Variants in OSBPL10 observed in about 807,000 individuals in gnomAD.
OSBPL10 encodes the protein oxysterol-binding protein-related protein 10.
In OSBPL10, 49 loss-of-function variants were observed where a neutral mutation model predicts 81.7. The ratio of observed to expected loss-of-function variants is 0.60; its 90% CI spans 0.48 to 0.76. The LOEUF (loss-of-function observed/expected upper bound fraction) is 0.76. Among genes scored for constraint, OSBPL10 ranks in the 30% least tolerant of loss-of-function variants. The pLI, the probability that OSBPL10 is intolerant of heterozygous loss-of-function variation, is 0.00. For synonymous variants in OSBPL10, 419 were observed against 383.6 expected, an observed-to-expected ratio of 1.09 and a Z score of -1.08; for missense variants, 923 against 987.8, an observed-to-expected ratio of 0.93 and a Z score of 0.88.
In OSBPL10 at chr3:31,981,145, C is replaced by G; in HGVS notation, c.35G>C (p.Gly12Ala). 1 of 1,490,566 alleles carries G rather than the reference C, an allele frequency of 6.7e-7. No individual in the cohort carries two copies. 92.3% of individuals were successfully genotyped at this position (1,490,566 alleles called of 1,614,324 possible). A position where few individuals can be genotyped will look rare whatever the true frequency, so the allele number is the denominator to read the frequency against. Residue 12 changes from glycine (G) to alanine (A), a missense_variant, in exon 1 of 12, where the codon GGG (glycine) becomes GCG (alanine). Around this residue, in one of 3 missense-constraint regions of OSBPL10, gnomAD observed 514 missense variants for 508.0 expected, o/e 1.01. Coordinates refer to ENST00000396556, the MANE Select transcript of OSBPL10 (RefSeq NM_017784.5). This position sits in a 1 kb window ranked among gnomAD's most constrained non-coding sequence, Gnocchi z 4.5. ...GCTGCGGCTGCTGCTGTTGCTACCC[C>G]CGCCGCCGTCTGTGCCCTGGACTGC... The part of the protein sequence containing the change: ...ERAVQGTDGG[G>A]GSNSSSRSSS...
chr3:31,983,596 G>A (rs1422730669), upstream of OSBPL10, among the ~76,000 whole-genome samples: 1 of 152,198 alleles, frequency 6.6e-6, no homozygotes, highest in African/African-American at 2.4e-5. Context: ...TGAAAGTAGA[G>A]GCTATATCAT....
chr3:31,688,279 T>TCACACA (rs879415490), intron 7 of OSBPL10, among the ~76,000 whole-genome samples: 131 of 77,868 alleles, frequency 1.7e-3, no homozygotes, highest in Middle Eastern at 7.6e-3. Context: ...TCTCTCTCTC[T>TCACACA]CTCTCACACA....
chr3:31,792,723 C>T (rs1039350073), intron 4 of OSBPL10, among the ~76,000 whole-genome samples: 37 of 145,174 alleles, frequency 2.5e-4, no homozygotes, highest in African/African-American at 9.7e-4. Flanking sequence ...TTTACACTCT[C>T]AGCTATCCAG....
chr3:31,832,375 A>T (rs755562033), intron 3 of OSBPL10, among the ~76,000 whole-genome samples: 7 of 152,170 alleles, frequency 4.6e-5, no homozygotes, highest in Non-Finnish European at 1.0e-4. Context: ...TCCCTATTGA[A>T]AACATTTTAA....
intron 2 of OSBPL10, among the ~76,000 whole-genome samples, chr3:32,042,562 C>T (rs1265343510): frequency 6.6e-6 from 1 of 151,912 alleles, no homozygotes; most frequent in East Asian, 1.9e-4. Flanking sequence ...GGGAACCTGC[C>T]CCCAATATTT....
At chr3:31,682,244 G>A (rs1335710626) in intron 8 of OSBPL10, among the ~76,000 whole-genome samples, 1 of 152,100 alleles carries the variant, frequency 6.6e-6, no homozygotes. Context: ...TTCAACAAAC[G>A]GCTGGAGCAG....
At chr3:31,848,691 A>T (rs1700692264) in intron 3 of OSBPL10, among the ~76,000 whole-genome samples, 1 of 152,216 alleles carries the variant, frequency 6.6e-6, no homozygotes, top group Non-Finnish European at 1.5e-5. Context: ...GGATTAACAC[A>T]GAACAGCTGA....
chr3:31,783,146 T>TATACACACAC (rs1485968747), intron 4 of OSBPL10, among the ~76,000 whole-genome samples: 1 of 113,034 alleles, frequency 8.8e-6, no homozygotes, highest in African/African-American at 3.8e-5. Flanking sequence ...TATATATATA[T>TATACACACAC]ACACACACAC....
chr3:32,070,325 C>G (rs1699819774), intron 1 of OSBPL10, among the ~76,000 whole-genome samples: 1 of 152,168 alleles, frequency 6.6e-6, no homozygotes, highest in Non-Finnish European at 1.5e-5. Flanking sequence ...TTTATGCACT[C>G]TTTTTCAGTT....
At chr3:31,735,063 A>G (rs901961021) in intron 5 of OSBPL10, among the ~76,000 whole-genome samples, 2 of 152,264 alleles carry the variant, frequency 1.3e-5, no homozygotes, top group African/African-American at 4.8e-5. Context: ...TGTATGCAGT[A>G]TTAGCCAACT....
upstream of OSBPL10, among the ~76,000 whole-genome samples, chr3:31,984,372 T>C (rs988948413): frequency 1.3e-5 from 2 of 151,530 alleles, no homozygotes; most frequent in South Asian, 2.1e-4. Flanking sequence ...AAGGATAGTT[T>C]GGTGGGCAGA....
chr3:31,886,552 C>T (rs1418135013), intron 1 of OSBPL10, among the ~76,000 whole-genome samples: 2 of 152,218 alleles, frequency 1.3e-5, no homozygotes, highest in Non-Finnish European at 1.5e-5. Context: ...CGCATCTGCT[C>T]CAAACTGCTG....
intron 6 of OSBPL10, among the ~76,000 whole-genome samples, chr3:31,729,295 C>A (rs7620402): frequency 0.4 from 60,465 of 151,928 alleles, 12,313 homozygotes; most frequent in East Asian, 0.59. Context: ...AAGAGCCCAA[C>A]CAGTCACAGT....
At chr3:31,796,370 GC>G (rs1054513551) in intron 4 of OSBPL10, among the ~76,000 whole-genome samples, 1 of 151,304 alleles carries the variant, frequency 6.6e-6, no homozygotes, top group East Asian at 1.9e-4. Context: ...TCCTTGCCCC[GC>G]CCCCCCAAAA....
rs962427153 is a variant in OSBPL10 at position 31,759,808 on chromosome 3, G to A, written c.730-11688C>T. Among the ~76,000 whole-genome samples the A allele has an allele frequency of 7.2e-5, 11 of 152,084 alleles. No individual in the cohort carries two copies. In the South Asian group the frequency reaches 1.5e-3, roughly 20 times the overall value. On this transcript the variant is annotated intron_variant, in intron 4 of 11. Transcript: ENST00000396556. ...AGAGTCTCACTCTGTCACCCAGGCTGGAGTGCAGTGGCACGATCTCGGCTT... is the reference window on the plus strand; with the variant it reads ...AGAGTCTCACTCTGTCACCCAGGCTAGAGTGCAGTGGCACGATCTCGGCTT...
chr3:31,833,906 T>C (rs1221709031), intron 3 of OSBPL10, among the ~76,000 whole-genome samples: 3 of 152,174 alleles, frequency 2.0e-5, no homozygotes, highest in African/African-American at 7.2e-5. Context: ...AAAACCATGA[T>C]CGTAATTACT....
At chr3:31,931,520 G>A (rs1057339317) in intron 1 of OSBPL10, among the ~76,000 whole-genome samples, 1 of 152,146 alleles carries the variant, frequency 6.6e-6, no homozygotes, top group African/African-American at 2.4e-5. Context: ...ACCTGATGAA[G>A]TCCTTCCTCT....
chr3:31,803,554 C>T (rs758549418), intron 4 of OSBPL10, among the ~76,000 whole-genome samples: 4 of 152,312 alleles, frequency 2.6e-5, no homozygotes, highest in African/African-American at 7.2e-5. Context: ...ATACCCTTTG[C>T]GCAACTTCCC....
chr3:31,670,740 A>G, intron 9 of OSBPL10, 57 bp downstream of exon 9: 1 of 1,509,314 alleles, frequency 6.6e-7, no homozygotes, highest in South Asian at 1.3e-5. Context: ...TAATGGTGAA[A>G]GGAAACTCAG....
Sources: allele counts gnomAD v4.1 joint callset (sites outside exome capture counted in the v4.1 genomes callset), GRCh38; gene constraint gnomAD v4.1.1; regional missense constraint gnomAD v4.1.1; non-coding constraint Gnocchi (gnomAD v3.1); transcripts MANE v1.5; gene names NCBI Gene and HGNC (gene_info 2026-07-23, HGNC 2026-07-21).